Variants in RBMS3 observed in about 807,000 individuals in gnomAD.
RBMS3 encodes the protein RNA binding motif single stranded interacting protein 3, also known as RNA-binding motif, single-stranded-interacting protein 3.
Under a neutral mutation model 66.8 loss-of-function variants are expected in RBMS3, and 27 were observed. The observed-to-expected ratio is 0.40, with a 90% CI of 0.30 to 0.56. The LOEUF is 0.56. RBMS3 is among the 20% of genes least tolerant of loss of function. The pLI is 0.40. For missense variants in RBMS3, 513 were observed against 549.5 expected (o/e 0.93, Z 0.66); for synonymous variants, 188 against 183.0 (o/e 1.03, Z -0.22).
intron 1 of RBMS3, among the ~76,000 whole-genome samples, chr3:29,360,561 G>A (rs1352435061): frequency 3.9e-5 from 6 of 151,914 alleles, no homozygotes; most frequent in Non-Finnish European, 8.8e-5. Flanking sequence ...TGTCTATTAG[G>A]TCTGCTTGGT....
intron 4 of RBMS3, among the ~76,000 whole-genome samples, chr3:29,734,026 CCA>C (rs142713084): frequency 1.7e-4 from 25 of 149,218 alleles, no homozygotes; most frequent in Admixed American, 6.7e-4. Flanking sequence ...ACACACACAC[CCA>C]CACACACACA....
At chr3:29,827,342 C>T (rs1344790921) in intron 6 of RBMS3, among the ~76,000 whole-genome samples, 1 of 152,160 alleles carries the variant, frequency 6.6e-6, no homozygotes, top group African/African-American at 2.4e-5. Flanking sequence ...TGCAATGGTT[C>T]TTTCAGGGCC....
chr3:29,977,803 G>T (rs1697691480), intron 12 of RBMS3, among the ~76,000 whole-genome samples: 1 of 119,294 alleles, frequency 8.4e-6, no homozygotes, highest in East Asian at 2.8e-4. Context: ...TCATCTCATT[G>T]TGCCGTGGTC....
At chr3:29,528,137 T>C (rs2045208102) in intron 3 of RBMS3, among the ~76,000 whole-genome samples, 1 of 138,820 alleles carries the variant, frequency 7.2e-6, no homozygotes, top group South Asian at 2.3e-4. Flanking sequence ...TTTTGAGATA[T>C]GGTCTCTCTC....
At chr3:29,532,846 G>A (rs2045417873) in intron 3 of RBMS3, among the ~76,000 whole-genome samples, 1 of 152,072 alleles carries the variant, frequency 6.6e-6, no homozygotes, top group Admixed American at 6.5e-5. Flanking sequence ...TTATGTGTGT[G>A]GCCTTTTCAC....
At chr3:29,773,631 G>A (rs1359636020) in intron 6 of RBMS3, among the ~76,000 whole-genome samples, 1 of 151,980 alleles carries the variant, frequency 6.6e-6, no homozygotes, top group Non-Finnish European at 1.5e-5. Context: ...CTCCCGGAGT[G>A]TTTGCCCGTG....
At chr3:29,962,879 T>G (rs1000847028) in intron 12 of RBMS3, among the ~76,000 whole-genome samples, 2 of 152,112 alleles carry the variant, frequency 1.3e-5, no homozygotes, top group African/African-American at 4.8e-5. Context: ...GCTCCTTTTT[T>G]TTTTCTTCTA....
chr3:29,316,742 A>G (rs954611942), intron 1 of RBMS3, among the ~76,000 whole-genome samples: 4 of 151,738 alleles, frequency 2.6e-5, no homozygotes, highest in African/African-American at 7.2e-5. Flanking sequence ...TTTAATAGCT[A>G]TTATAAACTT....
chr3:29,574,132 G>T (rs2149071732), intron 3 of RBMS3, among the ~76,000 whole-genome samples: 1 of 152,258 alleles, frequency 6.6e-6, no homozygotes, highest in East Asian at 1.9e-4. Context: ...CTATCTGGGA[G>T]ATCTGTCCAA....
In RBMS3 at chr3:29,944,191, C is replaced by T. The variant is rs1325071073; in HGVS notation, c.1051-16C>T. ...GTACTTCATTGCATTCTTTCTCATGCTCTTTTCATTCAAAGATTCAATCCC... is the reference window on the plus strand; with the variant it reads ...GTACTTCATTGCATTCTTTCTCATGTTCTTTTCATTCAAAGATTCAATCCC... On this transcript the variant is annotated splice_polypyrimidine_tract_variant and intron_variant, in intron 11 of 14. Coordinates refer to ENST00000383767, the MANE Select transcript of RBMS3 (RefSeq NM_001003793.3). The T allele has an allele frequency of 1.1e-5, 18 of 1,572,850 alleles. No individual in the cohort carries two copies. Among genetic ancestry groups the T allele is most frequent in the Non-Finnish European group, 1.5e-5 (17 of 1,143,918 alleles).
intron 4 of RBMS3, among the ~76,000 whole-genome samples, chr3:29,723,123 A>C (rs1169740749): frequency 6.6e-6 from 1 of 150,802 alleles, no homozygotes; most frequent in African/African-American, 2.4e-5. Flanking sequence ...TTACAGGCGC[A>C]CATCCCCACG....
chr3:29,977,502 C>T (rs1014022362), intron 12 of RBMS3, among the ~76,000 whole-genome samples: 2 of 150,974 alleles, frequency 1.3e-5, no homozygotes, highest in African/African-American at 2.4e-5. Flanking sequence ...GGCAAAAACA[C>T]GGTTCTGTTC....
chr3:29,866,895 G>C (rs942201174), intron 6 of RBMS3, among the ~76,000 whole-genome samples: 2 of 152,172 alleles, frequency 1.3e-5, no homozygotes, highest in Non-Finnish European at 2.9e-5. Flanking sequence ...CTTGTGTTCA[G>C]TGAGGCAATG....
At chr3:29,977,741 T>C (rs945390540) in intron 12 of RBMS3, among the ~76,000 whole-genome samples, 1 of 152,172 alleles carries the variant, frequency 6.6e-6, no homozygotes, top group Non-Finnish European at 1.5e-5. Context: ...TTCAAGCTGC[T>C]ACTTATAGCA....
intron 1 of RBMS3, among the ~76,000 whole-genome samples, chr3:29,433,822 A>C (rs2041298650): frequency 6.6e-6 from 1 of 152,188 alleles, no homozygotes; most frequent in Admixed American, 6.5e-5. Context: ...TCTGGGAGTC[A>C]TTTTATCATT....
chr3:29,461,920 A>ATTTTTTTTTTTTTTTTTTTTTTT, intron 2 of RBMS3, among the ~76,000 whole-genome samples: 1 of 93,302 alleles, frequency 1.1e-5, no homozygotes, highest in African/African-American at 4.1e-5. Context: ...TGCCCGGCTA[A>ATTTTTTTTTTTTTTTTTTTTTTT]TTTTTTTTTT....
At chr3:29,425,221 A>AAC (rs1553601582) in intron 1 of RBMS3, among the ~76,000 whole-genome samples, 5 of 150,034 alleles carry the variant, frequency 3.3e-5, no homozygotes, top group Admixed American at 1.3e-4. Context: ...AAAAACAAAA[A>AAC]AAAAAAAACA....
intron 2 of RBMS3, among the ~76,000 whole-genome samples, chr3:29,452,021 T>A (rs892314483): frequency 6.6e-6 from 1 of 152,148 alleles, no homozygotes; most frequent in Non-Finnish European, 1.5e-5. Context: ...AAACACAAAT[T>A]AGGCCATGGA....
rs899112641 is a variant in RBMS3, at chr3:29,563,451, G to T, written c.308-23663G>T. Among the ~76,000 whole-genome samples, 17 of 152,190 alleles carry T rather than the reference G, an allele frequency of 1.1e-4. 2 individuals carry two copies. The highest frequency in any genetic ancestry group is 1.1e-3 in the Admixed American group (17 of 15,296). ...GCCACATTCCAGACATTTCTGCAGT[G>T]GGTAAAGACACTGTAGAGATTCAAC... On this transcript the variant is annotated intron_variant, in intron 3 of 14. Coordinates refer to ENST00000383767, the MANE Select transcript of RBMS3 (RefSeq NM_001003793.3).
Sources: gnomAD v4.1 joint callset for allele counts (sites outside exome capture counted in the v4.1 genomes callset) on GRCh38, gnomAD v4.1.1 for gene constraint, MANE v1.5 for transcripts, NCBI Gene and HGNC (gene_info 2026-07-23, HGNC 2026-07-21) for gene names.